GABRE: variants seen among roughly 807,000 people sequenced by gnomAD.
GABRE encodes the protein gamma-aminobutyric acid receptor subunit epsilon.
GABRE carries 20 observed loss-of-function variants against 31.0 expected under a neutral mutation model. That is an observed-to-expected ratio of 0.64 (90% CI 0.45 to 0.94). GABRE has a LOEUF of 0.94. Among genes scored for constraint, GABRE ranks in the 40% least tolerant of loss-of-function variants. The probability of loss-of-function intolerance (pLI) is 0.00; values close to 1 mark genes in which losing one functional copy is unlikely to be tolerated. For missense variants in GABRE, 420 were observed against 410.7 expected (o/e 1.02, Z -0.20); for synonymous variants, 155 against 150.6 (o/e 1.03, Z -0.21).
chrX:151,970,182 C>T lies in GABRE; in HGVS notation c.274+3G>A, dbSNP rs1934645252. The T allele has an allele frequency of 2.5e-6, 3 of 1,209,991 alleles. No individual in the cohort carries two copies. The highest frequency in any genetic ancestry group is 3.4e-6 in the Non-Finnish European group (3 of 895,291). On this transcript the variant is annotated splice_donor_region_variant and intron_variant, in intron 2 of 8. Transcript: ENST00000370328. ...AGGGGAAGAACGTCGTTCTGCTCCTCACCTCCAATGCCAGGGCGCAGTTTG... is the reference window on the plus strand; with the variant it reads ...AGGGGAAGAACGTCGTTCTGCTCCTTACCTCCAATGCCAGGGCGCAGTTTG...
chrX:151,970,014 G>A, intron 2 of GABRE, 171 bp downstream of exon 2: 1 of 1,092,709 alleles, frequency 9.2e-7, no homozygotes, highest in African/African-American at 1.9e-5. Context: ...CTTGATCAAG[G>A]TCAATGACAC....
intron 4 of GABRE, 69 bp from the exon 5 acceptor site, chrX:151,961,434 G>C (rs1014151533): frequency 5.7e-6 from 4 of 704,134 alleles, no homozygotes; most frequent in Non-Finnish European, 8.9e-6. Context: ...CTTTGGTCTA[G>C]GGACTACCAC....
chrX:151,959,849 T>G lies in GABRE; in HGVS notation c.774A>C (p.Thr258=). 1 of 1,211,166 alleles carries G rather than the reference T, an allele frequency of 8.3e-7. No homozygotes were observed. The highest frequency in any genetic ancestry group is 1.1e-6 in the Non-Finnish European group (1 of 895,110). Residue 258 remains threonine, a synonymous_variant, in exon 6 of 9, where the codon ACA becomes ACC. Transcript: ENST00000370328. Reference sequence around the variant, plus strand: ...CCCTGGCACGCTTACCAACTGGGGTTGTGATTATTTCAGTTTTGTTGCTCA... The same window carrying G: ...CCCTGGCACGCTTACCAACTGGGGTGGTGATTATTTCAGTTTTGTTGCTCA... ...TGVSNKTEII[T]TPVGDFMVMT... is the part of the protein sequence containing the mutation.
Position 151,954,835 on chromosome X carries a change from A to C in GABRE, c.1387T>G (p.Cys463Gly). Residue 463 changes from cysteine (C) to glycine (G), a missense_variant, in exon 9 of 9, where the codon TGT becomes GGT. Physicochemically the swap from Cys to Gly is radical, Grantham distance 159. Coordinates refer to ENST00000370328, the MANE Select transcript of GABRE (RefSeq NM_004961.4). Reference sequence around the variant, plus strand: ...CCCTGCTGCCAGGTACTGCCCTCACAATCGGGGACCATGCAGAAGTACTTC... The same window carrying C: ...CCCTGCTGCCAGGTACTGCCCTCACCATCGGGGACCATGCAGAAGTACTTC... The part of the protein sequence containing the change: ...FKKYFCMVPD[C>G]EGSTWQQGRL... 1 of 1,212,082 alleles carries C rather than the reference A, an allele frequency of 8.3e-7. No homozygotes were observed. Among genetic ancestry groups the C allele is most frequent in the South Asian group, 1.8e-5 (1 of 57,007 alleles).
intron 7 of GABRE, 52 bp from the exon 8 acceptor site, chrX:151,955,619 G>A (rs371442646): frequency 1.2e-4 from 146 of 1,196,080 alleles, no homozygotes; most frequent in Admixed American, 3.3e-4. Flanking sequence ...GTGCGACATT[G>A]GTTAAAAGAC....
At chrX:151,957,376 T>C in intron 6 of GABRE, 1 of 310,968 alleles carries the variant, frequency 3.2e-6, no homozygotes, top group Non-Finnish European at 6.2e-6. Flanking sequence ...ACCTGTGTGT[T>C]GAGTATAGCT....
In GABRE at chrX:151,969,713, C is replaced by T; in HGVS notation, c.298G>A (p.Glu100Lys). Residue 100 changes from glutamate (E) to lysine (K), a missense_variant, in exon 3 of 9, where the codon GAG becomes AAG. Transcript: ENST00000370328. The stretch of plus-strand genomic sequence containing the variant: ...GGACCAAGGCTGTTGACGGAGATCT[C>T]AACAGTGACCACAGTGGGCTTCTCT... ...IGEKPTVVTV[E>K]ISVNSLGPLS... The T allele has an allele frequency of 8.3e-7, 1 of 1,209,853 alleles. No individual in the cohort carries two copies. Among genetic ancestry groups the T allele is most frequent in the Non-Finnish European group, 1.1e-6 (1 of 894,484 alleles).
intron 1 of GABRE, 60 bp downstream of exon 1, chrX:151,974,510 G>C: frequency 8.6e-6 from 6 of 699,360 alleles, no homozygotes; most frequent in East Asian, 7.2e-5. Flanking sequence ...GAGCCGTCCC[G>C]GCTCCCGGGG....
At chrX:151,967,019 T>A (rs1323706996) in intron 3 of GABRE, among the ~76,000 whole-genome samples, 1 of 111,788 alleles carries the variant, frequency 8.9e-6, no homozygotes, top group Non-Finnish European at 1.9e-5. Flanking sequence ...CTCTTGTAGA[T>A]AGAAATTGGC....
chrX:151,969,365 A>G (rs1245173116), intron 3 of GABRE: 3 of 199,613 alleles, frequency 1.5e-5, no homozygotes, highest in African/African-American at 2.9e-5. Context: ...ACTTATGTCC[A>G]TACAATAATT....
At chrX:151,972,149 A>C in intron 1 of GABRE, 1 of 753,308 alleles carries the variant, frequency 1.3e-6, no homozygotes, top group Non-Finnish European at 1.6e-6. Context: ...CTGCCAACTT[A>C]AGAAGCAAAA....
At chrX:151,956,609 T>C (rs755614525) in intron 6 of GABRE, 1 of 112,426 alleles carries the variant, frequency 8.9e-6, no homozygotes, top group Non-Finnish European at 1.9e-5. Flanking sequence ...ACACCAAGAT[T>C]CTAACCCTGG....
At chrX:151,961,222 A>T in intron 5 of GABRE, 61 bp downstream of exon 5, 2 of 763,336 alleles carry the variant, frequency 2.6e-6, no homozygotes, top group Non-Finnish European at 4.0e-6. Context: ...AATGGCAAGG[A>T]TGAGAAAAAG....
intron 3 of GABRE, among the ~76,000 whole-genome samples, chrX:151,963,069 G>A (rs758484538): frequency 8.9e-6 from 1 of 112,189 alleles, no homozygotes; most frequent in South Asian, 3.8e-4. Context: ...GTCTAGTTTC[G>A]GTTCCAGAGG....
chrX:151,964,027 C>T (rs1934458465), intron 3 of GABRE, among the ~76,000 whole-genome samples: 1 of 112,186 alleles, frequency 8.9e-6, no homozygotes, highest in Non-Finnish European at 1.9e-5. Context: ...CTGACTGACA[C>T]TACAGAAAAC....
chrX:151,955,183 A>G, intron 8 of GABRE, 99 bp from the exon 9 acceptor site: 2 of 1,173,206 alleles, frequency 1.7e-6, no homozygotes, highest in South Asian at 3.8e-5. Context: ...TTGGCACACC[A>G]TATCTTGGCT....
intron 6 of GABRE, chrX:151,956,869 A>G (rs2124151290): frequency 8.9e-6 from 1 of 111,795 alleles, no homozygotes. Context: ...CTTCTTTTGT[A>G]GCATTCATGC....
In GABRE at chrX:151,974,570, C is replaced by G. The variant is rs774469957; in HGVS notation, c.56G>C (p.Arg19Thr). Residue 19 changes from arginine to threonine, a missense_variant and splice_region_variant, in exon 1 of 9, where the codon AGG becomes ACG. By Grantham distance (71) the Arg-to-Thr change is moderately conservative. Transcript: ENST00000370328. ...LLGILLILQSRVEGPQTESKN... is the reference protein window; with the variant it reads ...LLGILLILQSTVEGPQTESKN... ...CCCGGGTCCCGGGATGGAGACTCAC[C>G]TCGACTGGAGGATCAATAAGATGCC... 1 of 1,171,048 alleles carries G rather than the reference C, an allele frequency of 8.5e-7. No homozygotes were observed.
intron 3 of GABRE, among the ~76,000 whole-genome samples, chrX:151,966,277 C>T (rs1934521705): frequency 1.8e-5 from 2 of 111,992 alleles, no homozygotes; most frequent in Admixed American, 1.9e-4. Flanking sequence ...CGATAATTAC[C>T]ACAGCAAGAA....
Sources: allele counts gnomAD v4.1 joint callset (sites outside exome capture counted in the v4.1 genomes callset), GRCh38; gene constraint gnomAD v4.1.1; transcripts MANE v1.5; gene names NCBI Gene and HGNC (gene_info 2026-07-23, HGNC 2026-07-21).